The following PTGS1 variants were observed in gnomAD, a reference collection of about 807,000 sequenced individuals.
PTGS1 encodes prostaglandin-endoperoxide synthase 1.
PTGS1 carries 40 observed loss-of-function variants against 63.0 expected under a neutral mutation model. That is an observed-to-expected ratio of 0.63 (90% CI 0.49 to 0.83). The LOEUF (loss-of-function observed/expected upper bound fraction) is 0.83. Among genes scored for constraint, PTGS1 ranks in the 40% least tolerant of loss-of-function variants. PTGS1 has a pLI of 0.00. For missense variants in PTGS1, 709 were observed against 786.5 expected, an observed-to-expected ratio of 0.90 and a Z score of 1.18; for synonymous variants, 298 against 301.9, an observed-to-expected ratio of 0.99 and a Z score of 0.13.
chr9:122,371,434 GC>G lies in PTGS1; in HGVS notation c.94+169del, dbSNP rs539159898. On this transcript the variant is annotated intron_variant, in intron 2 of 10. Transcript: ENST00000362012. ...TTTGGTGGGATGGGGGCTCCCTGAA[GC>G]CCCCCCGGCGGTGTGGCCTTGGCTA... is the stretch of plus-strand genomic sequence containing the variant. Among the ~76,000 whole-genome samples, 150 of 152,196 alleles carry G rather than the reference GC, an allele frequency of 9.9e-4. 1 individual carries two copies. The highest frequency in any genetic ancestry group is 3.4e-3 in the Middle Eastern group (1 of 294).
At chr9:122,382,179 A>G (rs959762147) in intron 7 of PTGS1, among the ~76,000 whole-genome samples, 1 of 152,242 alleles carries the variant, frequency 6.6e-6, no homozygotes, top group Admixed American at 6.5e-5. Context: ...CAACAGAAAT[A>G]TAATGTGAAC....
chr9:122,372,603 C>T (rs1836868427), intron 2 of PTGS1: 1 of 152,232 alleles, frequency 6.6e-6, no homozygotes, highest in Non-Finnish European at 1.5e-5. Flanking sequence ...AGAAGGGGCT[C>T]TTCAGGTTGC....
chr9:122,380,123 T>C (rs936093217), intron 5 of PTGS1, among the ~76,000 whole-genome samples: 1 of 152,094 alleles, frequency 6.6e-6, no homozygotes, highest in African/African-American at 2.4e-5. Context: ...TGCTAGTCCT[T>C]TTGGACTCTT....
At chr9:122,377,085 C>A (rs1421462347) in intron 2 of PTGS1, among the ~76,000 whole-genome samples, 3 of 152,194 alleles carry the variant, frequency 2.0e-5, no homozygotes, top group African/African-American at 7.2e-5. Flanking sequence ...GCCCAGACCC[C>A]ACCCTGATGT....
At position 122,394,503 on chromosome 9, in the gene PTGS1, G is replaced by A. The variant is rs1369601265; in HGVS notation, c.*1959G>A. On this transcript the variant is annotated 3_prime_UTR_variant, in exon 11 of 11. Transcript: ENST00000362012. ...TGCTCTGACGTAGAAAGATCCTTCG[G>A]GTGCTGGAAGTCTCCATGAAGAGCT... 6.6e-6 allele frequency: 1 copy of A among 152,138 alleles called. No individual in the cohort carries two copies. The highest frequency in any genetic ancestry group is 1.5e-5 in the Non-Finnish European group (1 of 68,050). 9.4% of individuals were successfully genotyped at this position (152,138 alleles called of 1,614,324 possible). A position where few individuals can be genotyped will look rare whatever the true frequency, so the allele number is the denominator to read the frequency against.
intron 5 of PTGS1, among the ~76,000 whole-genome samples, 169 bp from the exon 6 acceptor site, chr9:122,381,202 C>T (rs1046443110): frequency 1.3e-4 from 20 of 152,140 alleles, no homozygotes; most frequent in Non-Finnish European, 7.4e-5. Context: ...ATAAATACTT[C>T]TAGGGTCTTT....
In PTGS1 at chr9:122,371,495, A is replaced by C. The variant is rs1836808119; in HGVS notation, c.94+223A>C. ...CTAGTTCTTTCAGGGGAAACAGCAG[A>C]CTGGGATCTGGTGCCAACTTGGGGA... On this transcript the variant is annotated intron_variant, in intron 2 of 10. Coordinates refer to ENST00000362012, the MANE Select transcript of PTGS1 (RefSeq NM_000962.4). The C allele has an allele frequency of 4.7e-6, 6 of 1,280,814 alleles. No individual in the cohort carries two copies. The Admixed American group carries it at 1.7e-4, about 37-fold the overall frequency. 79.3% of individuals were successfully genotyped at this position (1,280,814 alleles called of 1,614,324 possible).
At chr9:122,371,770 G>A (rs1279572283) in intron 2 of PTGS1, 29 of 1,533,408 alleles carry the variant, frequency 1.9e-5, no homozygotes, top group Non-Finnish European at 2.5e-5. Flanking sequence ...ATACATTTAG[G>A]AGCCGGGATG....
chr9:122,389,363 C>G (rs1400004710), intron 9 of PTGS1, among the ~76,000 whole-genome samples: 1 of 152,000 alleles, frequency 6.6e-6, no homozygotes, highest in Non-Finnish European at 1.5e-5. Context: ...GTTGGCCAGG[C>G]TGGTCTTGAA....
In PTGS1 at chr9:122,394,919, C is replaced by A. The variant is rs10306194; in HGVS notation, c.*2375C>A. 15,761 of 152,308 alleles carry A rather than the reference C, an allele frequency of 0.1. 1,025 individuals carry two copies. The highest frequency in any genetic ancestry group is 0.16 in the Middle Eastern group (46 of 294). 9.4% of individuals were successfully genotyped at this position (152,308 alleles called of 1,614,324 possible). On this transcript the variant is annotated 3_prime_UTR_variant, in exon 11 of 11. Coordinates refer to ENST00000362012, the MANE Select transcript of PTGS1 (RefSeq NM_000962.4). ...GGAGTTTGTGTCTGTTGCTTGTAAT[C>A]AAGCCTTTATGGCTGCTGGGCTGAG...
intron 10 of PTGS1, among the ~76,000 whole-genome samples, chr9:122,391,309 CAT>C (rs1418617579): frequency 7.4e-6 from 1 of 134,710 alleles, no homozygotes; most frequent in Non-Finnish European, 1.6e-5. Flanking sequence ...TACATATATA[CAT>C]ATACACACAC....
Position 122,390,220 on chromosome 9 carries a change from A to G in PTGS1, c.1319A>G (p.Asp440Gly). The change falls in exon 10 of 11, where the codon GAC (aspartate) becomes GGC (glycine). Residue 440 changes from aspartate to glycine, a missense_variant. Coordinates refer to ENST00000362012, the MANE Select transcript of PTGS1 (RefSeq NM_000962.4). ...CAGATCGGTGGGGGCAGGAACATGGACCACCACATCCTGCATGTGGCTGTG... is the reference window on the plus strand; with the variant it reads ...CAGATCGGTGGGGGCAGGAACATGGGCCACCACATCCTGCATGTGGCTGTG... ...AGRIGGGRNM[D>G]HHILHVAVDV... 6.2e-7 allele frequency: 1 copy of G among 1,613,978 alleles called. No homozygotes were observed. Among genetic ancestry groups the G allele is most frequent in the Non-Finnish European group, 8.5e-7 (1 of 1,179,956 alleles).
intron 2 of PTGS1, chr9:122,371,744 A>C (rs1836823241): frequency 2.8e-5 from 43 of 1,528,946 alleles, no homozygotes; most frequent in Middle Eastern, 1.8e-4. Flanking sequence ...ACTTCGGGAG[A>C]ACATGGGAGA....
Position 122,392,612 on chromosome 9 carries a change from G to T in PTGS1, c.*68G>T, listed in dbSNP as rs1838360815. 2 of 1,424,524 alleles carry T rather than the reference G, an allele frequency of 1.4e-6. No homozygotes were observed. The highest frequency in any genetic ancestry group is 1.9e-6 in the Non-Finnish European group (2 of 1,040,048). The allele number at this position is 1,424,524 out of a possible 1,614,324, so 88.2% of individuals were successfully genotyped here. A position where few individuals can be genotyped will look rare whatever the true frequency, so the allele number is the denominator to read the frequency against. On this transcript the variant is annotated 3_prime_UTR_variant, in exon 11 of 11. Coordinates refer to ENST00000362012, the MANE Select transcript of PTGS1 (RefSeq NM_000962.4). Reference sequence around the variant, plus strand: ...GTCATTCCAGAGTGCTGAGGCCAGGGCTGATGGTCTTAAATGCTCATTTTC... The same window carrying T: ...GTCATTCCAGAGTGCTGAGGCCAGGTCTGATGGTCTTAAATGCTCATTTTC...
intron 9 of PTGS1, among the ~76,000 whole-genome samples, chr9:122,388,352 GTGA>G (rs1185542882): frequency 7.2e-5 from 11 of 152,176 alleles, no homozygotes; most frequent in African/African-American, 2.7e-4. Context: ...AGAAGAGTGA[GTGA>G]TGATAAGACA....
At chr9:122,381,139 CAAATTCTAAAAATCATGCCACTTA>C (rs1272577894) in intron 5 of PTGS1, among the ~76,000 whole-genome samples, 10 of 152,184 alleles carry the variant, frequency 6.6e-5, no homozygotes, top group African/African-American at 9.7e-5. Context: ...TATTTTAAAT[CAAATTCTAAAAATCATGCCACTTA>C]AAATTCTAAA....
intron 2 of PTGS1, chr9:122,375,502 T>A: frequency 1.0e-6 from 1 of 984,506 alleles, no homozygotes; most frequent in Non-Finnish European, 1.2e-6. Context: ...AAGCTCTGGC[T>A]ACCACATCTG....
intron 2 of PTGS1, 117 bp from the exon 3 acceptor site, chr9:122,377,782 C>A: frequency 1.1e-6 from 1 of 876,284 alleles, no homozygotes; most frequent in Non-Finnish European, 1.8e-6. Context: ...CCCAGTGATT[C>A]AGGACGGAGC....
intron 8 of PTGS1, 72 bp from the exon 9 acceptor site, chr9:122,386,374 G>A (rs1837873719): frequency 6.6e-7 from 1 of 1,514,640 alleles, no homozygotes; most frequent in Admixed American, 1.7e-5. Flanking sequence ...CTCATGAACT[G>A]GCCTGCTTTC....
Sources: gnomAD v4.1 joint callset for allele counts (sites outside exome capture counted in the v4.1 genomes callset) on GRCh38, gnomAD v4.1.1 for gene constraint, MANE v1.5 for transcripts, NCBI Gene and HGNC (gene_info 2026-07-23, HGNC 2026-07-21) for gene names.